Variants in ADAT1 observed in about 807,000 individuals in gnomAD.
The protein encoded by ADAT1 is tRNA-specific adenosine deaminase 1.
ADAT1 carries 58 observed loss-of-function variants against 58.6 expected under a neutral mutation model. The observed-to-expected ratio is 0.99, with a 90% CI of 0.80 to 1.23. ADAT1 has a LOEUF of 1.23. ADAT1 is among the 50% of genes most tolerant of loss of function. The pLI is 0.00. For missense variants in ADAT1, 741 were observed against 608.6 expected (o/e 1.22, Z -2.29); for synonymous variants, 254 against 220.8 (o/e 1.15, Z -1.33).
rs768812561 is a variant in ADAT1, at chr16:75,603,174, G to A, written c.1290-3C>T. The stretch of plus-strand genomic sequence containing the variant: ...GTTCCACTTTGCTGATTTGGGATCT[G>A]TTTGGAAAAAGAAGGCAAAGATGAT... On this transcript the variant is annotated splice_region_variant and splice_polypyrimidine_tract_variant and intron_variant, in intron 8 of 9. Transcript: ENST00000564657. The A allele has an allele frequency of 1.2e-6, 2 of 1,613,236 alleles. No individual in the cohort carries two copies. The highest frequency in any genetic ancestry group is 1.1e-5 in the South Asian group (1 of 91,040).
intron 5 of ADAT1, among the ~76,000 whole-genome samples, chr16:75,614,789 C>T (rs960959796): frequency 6.6e-6 from 1 of 152,240 alleles, no homozygotes. Context: ...GAGGCACATT[C>T]TCTAGGTAAT....
In ADAT1 at chr16:75,599,762, T is replaced by G. The variant is rs141586000; in HGVS notation, c.*454A>C. 4.3e-5 allele frequency: 43 copies of G among 992,448 alleles called. 1 individual carries two copies. In the African/African-American group the frequency reaches 6.1e-4, roughly 14 times the overall value. The allele number at this position is 992,448 out of a possible 1,614,324, so 61.5% of individuals were successfully genotyped here. ...GGCACAGAGCAGGATCACTGAAGAA[T>G]GGGAAAAGAATGGCTCCCTGAAGAA... On this transcript the variant is annotated 3_prime_UTR_variant, in exon 10 of 10. Coordinates refer to ENST00000564657, the MANE Select transcript of ADAT1 (RefSeq NM_001324445.2).
chr16:75,612,923 A>G (rs377201635), intron 5 of ADAT1, 62 bp from the exon 6 acceptor site: 7 of 1,547,878 alleles, frequency 4.5e-6, no homozygotes, highest in East Asian at 2.2e-5. Flanking sequence ...ACCAGCCACA[A>G]TGGGATCTCT....
intron 7 of ADAT1, 127 bp from the exon 8 acceptor site, chr16:75,608,450 A>C: frequency 1.3e-6 from 1 of 774,128 alleles, no homozygotes; most frequent in Non-Finnish European, 2.1e-6. Flanking sequence ...ACAGACAATG[A>C]CTGCTATTGG....
In ADAT1 at chr16:75,612,325, C is replaced by T. The variant is rs372013855; in HGVS notation, c.961G>A (p.Glu321Lys). ...CQGALLMHLL[E>K]EPIYLSAVVI... The stretch of plus-strand genomic sequence containing the variant: ...ACAGCTGACAGGTAGATGGGCTCTT[C>T]CAGCAAGTGCATCAACAGTGCCCCT... The change falls in exon 6 of 10, where the codon GAA (glutamate) becomes AAA (lysine). Residue 321 changes from glutamate (E) to lysine (K), a missense_variant. By Grantham distance (56) the Glu-to-Lys change is moderately conservative. Transcript: ENST00000564657. 4 of 1,614,090 alleles carry T rather than the reference C, an allele frequency of 2.5e-6. No homozygotes were observed. The highest frequency in any genetic ancestry group is 3.4e-6 in the Non-Finnish European group (4 of 1,180,044).
At chr16:75,618,944 C>T (rs1173927756) in intron 3 of ADAT1, among the ~76,000 whole-genome samples, 1 of 152,172 alleles carries the variant, frequency 6.6e-6, no homozygotes, top group Non-Finnish European at 1.5e-5. Context: ...AGCACCCCTC[C>T]CTCAGTTGTG....
intron 8 of ADAT1, among the ~76,000 whole-genome samples, chr16:75,607,645 G>T (rs1280037904): frequency 6.6e-6 from 1 of 152,156 alleles, no homozygotes; most frequent in South Asian, 2.1e-4. Flanking sequence ...AAATGGTACA[G>T]CTGCTATGGA....
chr16:75,608,256 T>A lies in ADAT1; in HGVS notation c.1257A>T (p.Thr419=), dbSNP rs761081644. 2.7e-5 allele frequency: 44 copies of A among 1,614,016 alleles called. No homozygotes were observed. The highest frequency in any genetic ancestry group is 1.7e-4 in the Admixed American group (10 of 60,010). The change falls in exon 8 of 10, where the codon ACA becomes ACT. Residue 419 remains threonine, a synonymous_variant. Transcript: ENST00000564657. ...DVTANGFPQG[T]TKKTIGSLQA... is the part of the protein sequence containing the mutation. ...GAAGGCTTCCAATTGTTTTCTTTGT[T>A]GTTCCCTGTGGAAAGCCATTGGCAG...
Position 75,597,872 on chromosome 16 carries a change from G to C in ADAT1, c.*2344C>G, listed in dbSNP as rs925335015. Among the ~76,000 whole-genome samples the C allele has an allele frequency of 2.6e-5, 4 of 152,160 alleles. No individual in the cohort carries two copies. The highest frequency in any genetic ancestry group is 5.9e-5 in the Non-Finnish European group (4 of 68,022). On this transcript the variant is annotated 3_prime_UTR_variant, in exon 10 of 10. Coordinates refer to ENST00000564657, the MANE Select transcript of ADAT1 (RefSeq NM_001324445.2). ...TACGGCAGAAATGTGAGCGATGGGGGGCAGCCATAAATACAGATGAAACTT... is the reference window on the plus strand; with the variant it reads ...TACGGCAGAAATGTGAGCGATGGGGCGCAGCCATAAATACAGATGAAACTT...
In ADAT1 at chr16:75,612,570, C is replaced by A. The variant is rs774323591; in HGVS notation, c.716G>T (p.Gly239Val). ...GGCTATTCTGGTGACAGTAGCCAGT[C>A]CCTCTACAGTGAGATCACAGCTGTG... is the stretch of plus-strand genomic sequence containing the variant. ...GIHSCDLTVE[G>V]LATVTRIAPG... The change falls in exon 6 of 10, where the codon GGA (glycine) becomes GTA (valine). Residue 239 changes from glycine to valine, a missense_variant. By Grantham distance (109) the Gly-to-Val change is moderately radical. Coordinates refer to ENST00000564657, the MANE Select transcript of ADAT1 (RefSeq NM_001324445.2). 1.2e-6 allele frequency: 2 copies of A among 1,614,100 alleles called. No individual in the cohort carries two copies. The highest frequency in any genetic ancestry group is 2.2e-5 in the South Asian group (2 of 91,076).
chr16:75,606,888 T>A (rs1451592660), intron 8 of ADAT1, among the ~76,000 whole-genome samples: 1 of 152,188 alleles, frequency 6.6e-6, no homozygotes, highest in Non-Finnish European at 1.5e-5. Context: ...CTATAAAACT[T>A]GCTGAAATAT....
Position 75,612,601 on chromosome 16 carries a change from C to G in ADAT1, c.685G>C (p.Gly229Arg). 6.2e-7 allele frequency: 1 copy of G among 1,614,082 alleles called. No homozygotes were observed. Among genetic ancestry groups the G allele is most frequent in the Non-Finnish European group, 8.5e-7 (1 of 1,180,024 alleles). Residue 229 changes from glycine to arginine, a missense_variant, in exon 6 of 10, where the codon GGC (glycine) becomes CGC (arginine). Transcript: ENST00000564657. ...ACAGTGAGATCACAGCTGTGGATGC[C>G]TGGTGAGATTGGGCCACTTTTCTGC... ...GKQKSGPISP[G>R]IHSCDLTVEG...
chr16:75,620,710 C>T lies in ADAT1; in HGVS notation c.90G>A (p.Glu30=), dbSNP rs1346408036. The change falls in exon 2 of 10, where the codon GAG becomes GAA. Residue 30 remains glutamate, a synonymous_variant. Transcript: ENST00000564657. ...TCACCACCGCTGCCAATAATGTCCA[C>T]TCATGGTTTGGCTCAGGCTTCCCCT... ...PKKGKPEPNH[E]WTLLAAVVKI... 1 of 1,614,184 alleles carries T rather than the reference C, an allele frequency of 6.2e-7. No homozygotes were observed. The highest frequency in any genetic ancestry group is 1.7e-5 in the Admixed American group (1 of 60,026).
At chr16:75,619,893 C>CAAAAAA (rs750598792) in intron 3 of ADAT1, 10 of 98,456 alleles carry the variant, frequency 1.0e-4, no homozygotes, top group Admixed American at 2.3e-4. Context: ...GACTCCGAGT[C>CAAAAAA]AAAAAAAAAA....
At chr16:75,621,701 G>T (rs1421193548) in intron 1 of ADAT1, among the ~76,000 whole-genome samples, 1 of 152,100 alleles carries the variant, frequency 6.6e-6, no homozygotes, top group Non-Finnish European at 1.5e-5. Context: ...GGGTGAAAGG[G>T]GGAGGGCTGT....
chr16:75,608,448 T>C (rs983732065), intron 7 of ADAT1, 125 bp from the exon 8 acceptor site: 1 of 774,062 alleles, frequency 1.3e-6, no homozygotes. Flanking sequence ...TCACAGACAA[T>C]GACTGCTATT....
chr16:75,622,365 G>A (rs2081959350), intron 1 of ADAT1, 38 bp downstream of exon 1: 1 of 152,152 alleles, frequency 6.6e-6, no homozygotes, highest in African/African-American at 2.4e-5. Context: ...AGAAAAGAAA[G>A]CATGAGATCC....
chr16:75,614,275 ACT>A (rs1245129391), intron 5 of ADAT1, among the ~76,000 whole-genome samples: 1 of 152,072 alleles, frequency 6.6e-6, no homozygotes, highest in Non-Finnish European at 1.5e-5. Flanking sequence ...CACAGTAAAG[ACT>A]CTAAAGTAAA....
intron 9 of ADAT1, among the ~76,000 whole-genome samples, chr16:75,601,320 C>T (rs913048836): frequency 2.0e-5 from 3 of 150,842 alleles, no homozygotes; most frequent in East Asian, 1.9e-4. Flanking sequence ...ACAGACTGGG[C>T]GACAGAGCAA....
Sources: allele counts gnomAD v4.1 joint callset (sites outside exome capture counted in the v4.1 genomes callset), GRCh38; gene constraint gnomAD v4.1.1; transcripts MANE v1.5; gene names NCBI Gene and HGNC (gene_info 2026-07-23, HGNC 2026-07-21).